Variants in SLCO1B3 observed in about 807,000 individuals in gnomAD.
SLCO1B3 encodes the protein liver-specific organic anion transporter 2.
In SLCO1B3, 72 loss-of-function variants were observed where a neutral mutation model predicts 71.8. That is an observed-to-expected ratio of 1.00 (90% CI 0.83 to 1.22). The LOEUF (loss-of-function observed/expected upper bound fraction) is 1.22. SLCO1B3 is among the 50% of genes most tolerant of loss of function. SLCO1B3 has a pLI of 0.00. For missense variants in SLCO1B3, 911 were observed against 819.7 expected (o/e 1.11, Z -1.36); for synonymous variants, 298 against 278.4 (o/e 1.07, Z -0.70).
rs929563128 is a variant in SLCO1B3 at position 20,833,988 on chromosome 12, A to G, written c.84+18166A>G. On this transcript the variant is annotated intron_variant, in intron 3 of 15. Transcript: ENST00000381545. ...ATGTATATACATACATAGTAAACATATATGTCTATGTGTGGATATGTGTAT... is the reference window on the plus strand; with the variant it reads ...ATGTATATACATACATAGTAAACATGTATGTCTATGTGTGGATATGTGTAT... Among the ~76,000 whole-genome samples the G allele has an allele frequency of 1.3e-3, 53 of 40,388 alleles. No individual in the cohort carries two copies. The Admixed American group carries it at 0.013, about 10-fold the overall frequency. The allele number at this position is 40,388 out of a possible 152,430, so 26.5% of individuals were successfully genotyped here. A position where few individuals can be genotyped will look rare whatever the true frequency, so the allele number is the denominator to read the frequency against.
intron 15 of SLCO1B3, among the ~76,000 whole-genome samples, chr12:20,904,127 C>A: frequency 6.6e-6 from 1 of 151,618 alleles, no homozygotes; most frequent in Admixed American, 6.6e-5. Flanking sequence ...GTAGTCCCAG[C>A]TACTTGGGAG....
intron 3 of SLCO1B3, among the ~76,000 whole-genome samples, chr12:20,846,134 C>T (rs975655): frequency 0.72 from 109,937 of 151,784 alleles, 42,371 homozygotes; most frequent in South Asian, 0.9. Flanking sequence ...AGCTTACTTC[C>T]TTTGGTAACA....
intron 13 of SLCO1B3, among the ~76,000 whole-genome samples, chr12:20,897,567 A>C (rs1866037970): frequency 6.6e-6 from 1 of 152,222 alleles, no homozygotes; most frequent in Admixed American, 6.5e-5. Flanking sequence ...AATATTAACT[A>C]GCATGGTATC....
intron 3 of SLCO1B3, among the ~76,000 whole-genome samples, chr12:20,828,381 G>T (rs1864471174): frequency 6.6e-6 from 1 of 151,612 alleles, no homozygotes; most frequent in African/African-American, 2.4e-5. Context: ...CACTCTTGGG[G>T]TTCCATAAGG....
At chr12:20,912,940 G>A (rs562947772) in intron 15 of SLCO1B3, among the ~76,000 whole-genome samples, 55 of 151,258 alleles carry the variant, frequency 3.6e-4, no homozygotes, top group African/African-American at 1.3e-3. Flanking sequence ...GCCTCCCAAA[G>A]TGCTGGGATT....
At position 20,862,488 on chromosome 12, in the gene SLCO1B3, C is replaced by T. The variant is rs1176312903; in HGVS notation, c.558C>T (p.Thr186=). The T allele has an allele frequency of 1.2e-6, 2 of 1,612,574 alleles. No homozygotes were observed. The highest frequency in any genetic ancestry group is 1.1e-5 in the South Asian group (1 of 90,848). Residue 186 remains threonine, a synonymous_variant, in exon 7 of 16, where the codon ACC becomes ACT. Transcript: ENST00000381545. Reference sequence around the variant, plus strand: ...ATATGCTTCGTGGCATAGGGGAAACCCCCATAGTACCATTGGGGATTTCAT... The same window carrying T: ...ATATGCTTCGTGGCATAGGGGAAACTCCCATAGTACCATTGGGGATTTCAT... ...MGNMLRGIGE[T]PIVPLGISYI...
chr12:20,875,554 G>A, intron 9 of SLCO1B3, 77 bp downstream of exon 9: 2 of 1,424,658 alleles, frequency 1.4e-6, no homozygotes, highest in Non-Finnish European at 1.9e-6. Flanking sequence ...AAAAAATAAA[G>A]CATACTCAAA....
intron 3 of SLCO1B3, among the ~76,000 whole-genome samples, chr12:20,851,484 C>T (rs1197742530): frequency 6.6e-6 from 1 of 152,080 alleles, no homozygotes; most frequent in African/African-American, 2.4e-5. Flanking sequence ...AATGTTTATT[C>T]AAGTCCTTTG....
chr12:20,887,952 A>G (rs925263747), intron 13 of SLCO1B3, among the ~76,000 whole-genome samples: 3 of 151,734 alleles, frequency 2.0e-5, no homozygotes, highest in South Asian at 2.1e-4. Context: ...TGGCTCTCCA[A>G]TTTTCCCAGC....
chr12:20,838,121 CT>C (rs1157944152), intron 3 of SLCO1B3, among the ~76,000 whole-genome samples: 11 of 149,358 alleles, frequency 7.4e-5, no homozygotes, highest in African/African-American at 9.8e-5. Flanking sequence ...TTTTGCTTTT[CT>C]TTTTTTTTAA....
intron 8 of SLCO1B3, among the ~76,000 whole-genome samples, chr12:20,865,798 G>T (rs1254329530): frequency 6.6e-6 from 1 of 151,958 alleles, no homozygotes; most frequent in Non-Finnish European, 1.5e-5. Flanking sequence ...GTTAAAATTT[G>T]TTAAACTTTA....
intron 15 of SLCO1B3, among the ~76,000 whole-genome samples, chr12:20,914,698 A>T (rs1866458222): frequency 6.6e-6 from 1 of 152,142 alleles, no homozygotes; most frequent in African/African-American, 2.4e-5. Context: ...AGGAGAGTCT[A>T]CTGGCAAAAC....
intron 5 of SLCO1B3, 140 bp from the exon 6 acceptor site, chr12:20,860,877 C>G: frequency 3.6e-6 from 3 of 836,990 alleles, no homozygotes; most frequent in Non-Finnish European, 5.5e-6. Context: ...GAAATACATG[C>G]TGGGAAGTTG....
intron 3 of SLCO1B3, among the ~76,000 whole-genome samples, chr12:20,831,612 A>G (rs956225481): frequency 3.3e-5 from 5 of 152,214 alleles, no homozygotes; most frequent in Admixed American, 3.3e-4. Context: ...CAAAAATGTA[A>G]TGCGATAAAA....
intron 2 of SLCO1B3, 119 bp downstream of exon 2, chr12:20,813,757 G>T (rs1164787662): frequency 7.2e-6 from 1 of 139,212 alleles, no homozygotes; most frequent in Admixed American, 7.2e-5. Flanking sequence ...TATGTATTAA[G>T]TTATGTATTG....
At chr12:20,859,029 A>G (rs1412413407) in intron 5 of SLCO1B3, 1 of 152,464 alleles carries the variant, frequency 6.6e-6, no homozygotes, top group Non-Finnish European at 1.5e-5. Context: ...AACTGAAAAT[A>G]GCAATAACTT....
intron 3 of SLCO1B3, among the ~76,000 whole-genome samples, chr12:20,841,234 C>T (rs1261309012): frequency 6.6e-6 from 1 of 152,160 alleles, no homozygotes; most frequent in South Asian, 2.1e-4. Flanking sequence ...TTTTATGGAT[C>T]CAAGAATCAT....
At chr12:20,886,094 A>G (rs1282010154) in intron 13 of SLCO1B3, among the ~76,000 whole-genome samples, 1 of 152,076 alleles carries the variant, frequency 6.6e-6, no homozygotes, top group East Asian at 1.9e-4. Flanking sequence ...TGGTTGATTG[A>G]ATGTGGCATG....
At chr12:20,887,004 A>G (rs930853242) in intron 13 of SLCO1B3, among the ~76,000 whole-genome samples, 2 of 152,042 alleles carry the variant, frequency 1.3e-5, no homozygotes, top group African/African-American at 4.8e-5. Context: ...TTCACTCAGG[A>G]TAATGGCCTC....
Sources: gnomAD v4.1 joint callset for allele counts (sites outside exome capture counted in the v4.1 genomes callset) on GRCh38, gnomAD v4.1.1 for gene constraint, MANE v1.5 for transcripts, NCBI Gene and HGNC (gene_info 2026-07-23, HGNC 2026-07-21) for gene names.